AUTS2: variants seen among roughly 807,000 people sequenced by gnomAD.
AUTS2 encodes autism susceptibility gene 2 protein.
Under a neutral mutation model 112.4 loss-of-function variants are expected in AUTS2, and 17 were observed. The observed-to-expected ratio is 0.15, with a 90% CI of 0.10 to 0.23. AUTS2 has a LOEUF of 0.23. AUTS2 is among the 10% of genes least tolerant of loss of function. The pLI, the probability that AUTS2 is intolerant of heterozygous loss-of-function variation, is 1.00. For missense variants in AUTS2, 1,510 were observed against 1,701.6 expected, an observed-to-expected ratio of 0.89 and a Z score of 1.98; for synonymous variants, 751 against 702.7, an observed-to-expected ratio of 1.07 and a Z score of -1.09.
At chr7:69,746,988 A>C (rs1039122844) in intron 1 of AUTS2, among the ~76,000 whole-genome samples, 1 of 152,168 alleles carries the variant, frequency 6.6e-6, no homozygotes, top group African/African-American at 2.4e-5. Context: ...CATTGTTGGC[A>C]TTTTTGTGTT....
intron 1 of AUTS2, among the ~76,000 whole-genome samples, chr7:69,836,289 A>G (rs958571317): frequency 6.6e-6 from 1 of 152,202 alleles, no homozygotes; most frequent in Non-Finnish European, 1.5e-5. Flanking sequence ...TCTTTGTCAA[A>G]TAGGAATTGC....
At chr7:70,501,292 G>A (rs1371420951) in intron 5 of AUTS2, among the ~76,000 whole-genome samples, 1 of 152,174 alleles carries the variant, frequency 6.6e-6, no homozygotes, top group East Asian at 1.9e-4. Flanking sequence ...AGTTAGCAGT[G>A]TCACTAGCTG....
At chr7:69,612,041 A>G (rs1583937668) in intron 1 of AUTS2, among the ~76,000 whole-genome samples, 1 of 151,646 alleles carries the variant, frequency 6.6e-6, no homozygotes, top group African/African-American at 2.4e-5. Context: ...TTTTATCTAT[A>G]TTTCAAAACT....
At chr7:70,102,936 A>G (rs76791577) in intron 2 of AUTS2, among the ~76,000 whole-genome samples, 2,165 of 152,326 alleles carry the variant, frequency 0.014, 29 homozygotes, top group Non-Finnish European at 0.02. Context: ...TGCAATTAAT[A>G]TATTAAGATT....
chr7:70,576,379 T>A (rs1802166506), intron 5 of AUTS2, among the ~76,000 whole-genome samples: 1 of 152,196 alleles, frequency 6.6e-6, no homozygotes, highest in Admixed American at 6.5e-5. Context: ...CCACTGATAG[T>A]CTCACCCCTC....
chr7:70,091,122 C>G lies in AUTS2; in HGVS notation c.523-27010C>G, dbSNP rs534684693. Among the ~76,000 whole-genome samples, 7 of 152,306 alleles carry G rather than the reference C, an allele frequency of 4.6e-5. No homozygotes were observed. In the South Asian group the frequency reaches 1.4e-3, roughly 32 times the overall value. ...CGGTTGATACTTTCTTTTCCCTTCT[C>G]CCAGTACTGTAAAAATGTTTCACAG... On this transcript the variant is annotated intron_variant, in intron 2 of 18. Coordinates refer to ENST00000342771, the MANE Select transcript of AUTS2 (RefSeq NM_015570.4).
At chr7:69,962,590 G>A (rs981608142) in intron 2 of AUTS2, among the ~76,000 whole-genome samples, 1 of 152,068 alleles carries the variant, frequency 6.6e-6, no homozygotes, top group South Asian at 2.1e-4. Context: ...TAAGCTAAAC[G>A]TCTGAGTTGT....
chr7:70,412,263 C>A (rs955408319), intron 4 of AUTS2, among the ~76,000 whole-genome samples: 1 of 152,126 alleles, frequency 6.6e-6, no homozygotes, highest in Non-Finnish European at 1.5e-5. Flanking sequence ...CCCTTGATAA[C>A]CTTACCAGAA....
chr7:70,773,352 A>G (rs1361459451), intron 11 of AUTS2, among the ~76,000 whole-genome samples: 4 of 152,132 alleles, frequency 2.6e-5, no homozygotes, highest in South Asian at 2.1e-4. Flanking sequence ...TAGGCTTTTT[A>G]TTGTTGCTAA....
intron 1 of AUTS2, among the ~76,000 whole-genome samples, chr7:69,748,978 T>C (rs904447797): frequency 7.2e-5 from 11 of 152,088 alleles, no homozygotes; most frequent in African/African-American, 2.7e-4. Context: ...TGGGGTGAGG[T>C]AGAAGGAGCA....
At chr7:70,421,073 C>G (rs1053024954) in intron 4 of AUTS2, among the ~76,000 whole-genome samples, 1 of 152,072 alleles carries the variant, frequency 6.6e-6, no homozygotes, top group Non-Finnish European at 1.5e-5. Flanking sequence ...TACATTTCAC[C>G]TTCACCTTTA....
chr7:70,439,471 G>A (rs1305344516), intron 5 of AUTS2, among the ~76,000 whole-genome samples: 3 of 151,180 alleles, frequency 2.0e-5, no homozygotes, highest in Non-Finnish European at 4.4e-5. Flanking sequence ...CCCGGGAGGC[G>A]GAAGTTGCAG....
At position 70,793,486 on chromosome 7, in the gene AUTS2, A is replaced by T. The variant is rs1270822329; in HGVS notation, c.*2490A>T. 6.6e-6 allele frequency: 1 copy of T among 152,182 alleles called. No individual in the cohort carries two copies. The highest frequency in any genetic ancestry group is 1.5e-5 in the Non-Finnish European group (1 of 68,044). The allele number at this position is 152,182 out of a possible 1,614,324, so 9.4% of individuals were successfully genotyped here. On this transcript the variant is annotated 3_prime_UTR_variant, in exon 19 of 19. Transcript: ENST00000342771. ...ATGTTAAAAAAACAAAAAAATGTTA[A>T]ATTTTCTTATACCGACCTGATGAAA...
At chr7:69,706,370 A>T (rs1584105919) in intron 1 of AUTS2, among the ~76,000 whole-genome samples, 2 of 152,018 alleles carry the variant, frequency 1.3e-5, no homozygotes, top group Non-Finnish European at 2.9e-5. Context: ...TTAGTAAGTG[A>T]GGGGGAAATT....
At chr7:70,474,086 G>T (rs929421115) in intron 5 of AUTS2, among the ~76,000 whole-genome samples, 1 of 152,124 alleles carries the variant, frequency 6.6e-6, no homozygotes, top group African/African-American at 2.4e-5. Context: ...AGACCAAACT[G>T]GCTTCAGGGG....
chr7:70,723,151 A>G (rs1786798113), intron 6 of AUTS2, among the ~76,000 whole-genome samples: 1 of 152,180 alleles, frequency 6.6e-6, no homozygotes, highest in Admixed American at 6.5e-5. Flanking sequence ...TAATCATGTT[A>G]ATCAGGAGAT....
rs141898881 is a variant in AUTS2, at chr7:70,244,431, A to T, written c.660+109860A>T. ...CTTTAAAAATGAATCTAACCCTTAA[A>T]TGAAATCCAGCAGCCAATCTAATGT... On this transcript the variant is annotated intron_variant, in intron 4 of 18. Transcript: ENST00000342771. Among the ~76,000 whole-genome samples the T allele has an allele frequency of 7.7e-3, 1,179 of 152,330 alleles. 13 individuals are homozygous for T. Among genetic ancestry groups the T allele is most frequent in the South Asian group, 0.041 (200 of 4,824 alleles).
At chr7:70,192,504 A>G (rs2129583554) in intron 4 of AUTS2, among the ~76,000 whole-genome samples, 1 of 152,338 alleles carries the variant, frequency 6.6e-6, no homozygotes, top group African/African-American at 2.4e-5. Context: ...CTAATTGCAA[A>G]GCACTACCAA....
chr7:69,601,542 G>A (rs1024544228), intron 1 of AUTS2, among the ~76,000 whole-genome samples: 1 of 151,850 alleles, frequency 6.6e-6, no homozygotes, highest in Non-Finnish European at 1.5e-5. Flanking sequence ...CAGTGGTTGG[G>A]AGTAAGGGAG....
Sources: allele counts gnomAD v4.1 joint callset (sites outside exome capture counted in the v4.1 genomes callset), GRCh38; gene constraint gnomAD v4.1.1; transcripts MANE v1.5; gene names NCBI Gene and HGNC (gene_info 2026-07-23, HGNC 2026-07-21).